The following GABBR2 variants were observed in gnomAD, a reference collection of about 807,000 sequenced individuals.
GABBR2 encodes G-protein coupled receptor 51.
GABBR2 carries 23 observed loss-of-function variants against 105.6 expected under a neutral mutation model. The ratio of observed to expected loss-of-function variants is 0.22; its 90% CI spans 0.16 to 0.31. The LOEUF is 0.31. Ranked by LOEUF, GABBR2 falls within the 10% of genes least tolerant of loss-of-function variation. GABBR2 has a pLI of 1.00. For missense variants in GABBR2, 734 were observed against 1,245.5 expected, an observed-to-expected ratio of 0.59 and a Z score of 6.18; for synonymous variants, 478 against 499.7, an observed-to-expected ratio of 0.96 and a Z score of 0.58.
chr9:98,313,903 T>C (rs949395892), intron 13 of GABBR2, among the ~76,000 whole-genome samples: 4 of 152,078 alleles, frequency 2.6e-5, no homozygotes, highest in African/African-American at 7.2e-5. Flanking sequence ...GGGGGAAAGA[T>C]GGTGCTCCCA....
At chr9:98,376,929 G>A (rs897088080) in intron 11 of GABBR2, among the ~76,000 whole-genome samples, 14 of 152,244 alleles carry the variant, frequency 9.2e-5, no homozygotes, top group African/African-American at 2.9e-4. Flanking sequence ...AAGGCACCCC[G>A]TCTGGGCCCT....
At chr9:98,422,882 A>G (rs1173184506) in intron 7 of GABBR2, among the ~76,000 whole-genome samples, 1 of 150,790 alleles carries the variant, frequency 6.6e-6, no homozygotes, top group Admixed American at 6.7e-5. Flanking sequence ...TGTCCTTGCG[A>G]TAGTTTACTG....
chr9:98,458,477 G>A (rs1826364229), intron 6 of GABBR2, among the ~76,000 whole-genome samples: 1 of 152,240 alleles, frequency 6.6e-6, no homozygotes. Flanking sequence ...GCCGAGGCAG[G>A]TGGATCACCT....
At chr9:98,314,541 T>G (rs970642637) in intron 13 of GABBR2, among the ~76,000 whole-genome samples, 1 of 152,162 alleles carries the variant, frequency 6.6e-6, no homozygotes, top group African/African-American at 2.4e-5. Context: ...TGAAGTGCTC[T>G]TCACAGGAAA....
chr9:98,617,287 CA>C (rs1431397233), intron 1 of GABBR2, among the ~76,000 whole-genome samples: 1 of 152,088 alleles, frequency 6.6e-6, no homozygotes, highest in Admixed American at 6.6e-5. Flanking sequence ...AGCTGCTCCC[CA>C]AAGGAGGTGA....
intron 1 of GABBR2, among the ~76,000 whole-genome samples, chr9:98,702,934 A>G (rs929955346): frequency 6.6e-6 from 1 of 151,788 alleles, no homozygotes; most frequent in Admixed American, 6.6e-5. Context: ...CCTCTCCCCA[A>G]CTCTGTGTTC....
chr9:98,694,584 G>A (rs572508767), intron 1 of GABBR2, among the ~76,000 whole-genome samples: 34 of 152,232 alleles, frequency 2.2e-4, no homozygotes, highest in Non-Finnish European at 4.6e-4. Flanking sequence ...GAATGACATC[G>A]CTATGTCTTC....
At chr9:98,523,711 G>T (rs1270932270) in intron 3 of GABBR2, among the ~76,000 whole-genome samples, 1 of 152,172 alleles carries the variant, frequency 6.6e-6, no homozygotes, top group Non-Finnish European at 1.5e-5. Context: ...CACTCAAGTG[G>T]CAGCAGGAAG....
intron 1 of GABBR2, among the ~76,000 whole-genome samples, chr9:98,680,057 G>A (rs908565533): frequency 6.6e-6 from 1 of 151,772 alleles, no homozygotes; most frequent in Non-Finnish European, 1.5e-5. Context: ...TCTATCTTTT[G>A]TTATAGGGGC....
At chr9:98,453,919 T>C (rs1053462383) in intron 7 of GABBR2, 62 bp downstream of exon 7, 5 of 1,093,476 alleles carry the variant, frequency 4.6e-6, no homozygotes, top group Non-Finnish European at 7.1e-6. Flanking sequence ...TAACAGCCCC[T>C]CTTTTGCTTT....
At chr9:98,643,942 C>T (rs576758032) in intron 1 of GABBR2, among the ~76,000 whole-genome samples, 14 of 152,296 alleles carry the variant, frequency 9.2e-5, no homozygotes, top group African/African-American at 1.4e-4. Flanking sequence ...CCTAAGCCTC[C>T]GGGGGCTAGC....
intron 1 of GABBR2, among the ~76,000 whole-genome samples, chr9:98,699,623 C>T (rs10114844): frequency 2.6e-5 from 4 of 152,302 alleles, no homozygotes; most frequent in African/African-American, 9.6e-5. Context: ...GCCAGACACA[C>T]CCAGTGCCTG....
At chr9:98,405,925 G>A (rs1832481823) in intron 8 of GABBR2, among the ~76,000 whole-genome samples, 156 bp downstream of exon 8, 1 of 152,128 alleles carries the variant, frequency 6.6e-6, no homozygotes, top group Admixed American at 6.5e-5. Context: ...CAAATAGGTT[G>A]AAACTAATGT....
At chr9:98,651,139 GTTTTTT>G (rs55727456) in intron 1 of GABBR2, among the ~76,000 whole-genome samples, 1 of 129,572 alleles carries the variant, frequency 7.7e-6, no homozygotes, top group Admixed American at 8.0e-5. Context: ...ACACACACTG[GTTTTTT>G]TTTTTTTTTT....
At chr9:98,606,763 A>G (rs962272853) in intron 1 of GABBR2, 2 of 285,118 alleles carry the variant, frequency 7.0e-6, no homozygotes, top group Non-Finnish European at 1.4e-5. Flanking sequence ...TACAGGCATG[A>G]GCCACCGTGC....
intron 8 of GABBR2, among the ~76,000 whole-genome samples, chr9:98,395,390 G>A (rs965654438): frequency 2.6e-5 from 4 of 152,292 alleles, no homozygotes; most frequent in Non-Finnish European, 5.9e-5. Context: ...ATGCTCTTGA[G>A]TCTAGAGCTG....
chr9:98,396,478 A>G (rs1204223081), intron 8 of GABBR2, among the ~76,000 whole-genome samples: 1 of 152,190 alleles, frequency 6.6e-6, no homozygotes, highest in African/African-American at 2.4e-5. Flanking sequence ...TGGTGGAAAC[A>G]GGGGCTGTAA....
chr9:98,459,694 A>G (rs774047912), intron 6 of GABBR2, among the ~76,000 whole-genome samples: 1 of 152,266 alleles, frequency 6.6e-6, no homozygotes, highest in Non-Finnish European at 1.5e-5. Flanking sequence ...AGAGTTTAAT[A>G]GTATTGGGAA....
At chr9:98,323,433 ATAG>A (rs1402542075) in intron 13 of GABBR2, among the ~76,000 whole-genome samples, 1 of 152,178 alleles carries the variant, frequency 6.6e-6, no homozygotes, top group African/African-American at 2.4e-5. Context: ...CCTCTTCCCC[ATAG>A]TTCCTGCCTG....
Sources: allele counts gnomAD v4.1 joint callset (sites outside exome capture counted in the v4.1 genomes callset), GRCh38; gene constraint gnomAD v4.1.1; transcripts MANE v1.5; gene names NCBI Gene and HGNC (gene_info 2026-07-23, HGNC 2026-07-21).